Variants in ANKS1B observed in about 807,000 individuals in gnomAD.
ANKS1B encodes ankyrin repeat and sterile alpha motif domain containing 1B, also known as ankyrin repeat and sterile alpha motif domain-containing protein 1B.
A neutral mutation model predicts 148.3 loss-of-function variants in ANKS1B; 36 were observed. The ratio of observed to expected loss-of-function variants is 0.24; its 90% CI spans 0.19 to 0.32. ANKS1B has a LOEUF of 0.32. ANKS1B is among the 10% of genes least tolerant of loss of function. The pLI, the probability that ANKS1B is intolerant of heterozygous loss-of-function variation, is 1.00. For missense variants in ANKS1B, 1,157 were observed against 1,542.6 expected (o/e 0.75, Z 4.19); for synonymous variants, 542 against 560.8 (o/e 0.97, Z 0.47).
intron 12 of ANKS1B, among the ~76,000 whole-genome samples, chr12:99,338,475 G>A (rs144202590): frequency 4.5e-4 from 69 of 152,248 alleles, no homozygotes; most frequent in Non-Finnish European, 7.2e-4. Context: ...TAAGAGCTAC[G>A]GCCTGGAATC....
chr12:99,780,338 C>T lies in ANKS1B; in HGVS notation c.746-366G>A, dbSNP rs113875439. 3.9e-3 allele frequency among the ~76,000 whole-genome samples: 590 copies of T among 152,040 alleles called. 10 individuals carry two copies. The highest frequency in any genetic ancestry group is 0.012 in the African/African-American group (504 of 41,446). Reference sequence around the variant, plus strand: ...TTGCCCAGGCTGGAGTGCAGTGGCGCGATCTCGGCTCACTGCAAGCTCCGC... The same window carrying T: ...TTGCCCAGGCTGGAGTGCAGTGGCGTGATCTCGGCTCACTGCAAGCTCCGC... On this transcript the variant is annotated intron_variant, in intron 5 of 26. Transcript: ENST00000683438.
intron 9 of ANKS1B, among the ~76,000 whole-genome samples, chr12:99,534,359 T>C (rs138417394): frequency 0.014 from 2,112 of 152,356 alleles, 15 homozygotes; most frequent in Non-Finnish European, 0.023. Flanking sequence ...ACTTCAGTGA[T>C]AATCATGTCA....
chr12:99,611,674 A>G (rs1180332991), intron 9 of ANKS1B, among the ~76,000 whole-genome samples: 1 of 152,060 alleles, frequency 6.6e-6, no homozygotes, highest in East Asian at 1.9e-4. Flanking sequence ...CAGTGAAATT[A>G]TTTTTAATGC....
At chr12:98,805,783 T>A (rs1292638483) in intron 20 of ANKS1B, among the ~76,000 whole-genome samples, 1 of 152,202 alleles carries the variant, frequency 6.6e-6, no homozygotes, top group Admixed American at 6.5e-5. Flanking sequence ...GGTAGCTGTC[T>A]CCCTCCAAAA....
intron 14 of ANKS1B, among the ~76,000 whole-genome samples, chr12:99,230,188 G>T (rs2153950594): frequency 6.6e-6 from 1 of 152,140 alleles, no homozygotes; most frequent in South Asian, 2.1e-4. Flanking sequence ...TTTGCACAAG[G>T]TGACACTGCC....
chr12:99,635,537 G>C (rs746808342), intron 9 of ANKS1B, among the ~76,000 whole-genome samples: 9 of 152,100 alleles, frequency 5.9e-5, no homozygotes, highest in South Asian at 2.1e-4. Context: ...CTTAGTTGAG[G>C]TATCTAGAGT....
intron 10 of ANKS1B, among the ~76,000 whole-genome samples, chr12:99,492,500 T>G (rs774953807): frequency 6.6e-6 from 1 of 152,192 alleles, no homozygotes; most frequent in South Asian, 2.1e-4. Context: ...CCATTTCTAC[T>G]GAAACTATTT....
intron 22 of ANKS1B, among the ~76,000 whole-genome samples, chr12:98,785,307 T>C (rs780568916): frequency 2.0e-5 from 3 of 151,960 alleles, no homozygotes; most frequent in Non-Finnish European, 4.4e-5. Context: ...CCGTCTCTAC[T>C]AAAAATAAAT....
At position 99,092,470 on chromosome 12, in the gene ANKS1B, GAA is replaced by G. The variant is rs5800375; in HGVS notation, c.2527-7449_2527-7448del. Among the ~76,000 whole-genome samples, 630 of 116,666 alleles carry G rather than the reference GAA, an allele frequency of 5.4e-3. 4 individuals carry two copies. Among genetic ancestry groups the G allele is most frequent in the South Asian group, 0.019 (67 of 3,500 alleles). The allele number at this position is 116,666 out of a possible 152,430, so 76.5% of individuals were successfully genotyped here. ...TTTTGTAATCACAAGCTGTGAAGCTGAAAAAAAAAAAAAAAAAAAACTTCCTT... is the reference window on the plus strand; with the variant it reads ...TTTTGTAATCACAAGCTGTGAAGCTGAAAAAAAAAAAAAAAAAACTTCCTT... On this transcript the variant is annotated intron_variant, in intron 15 of 26. Transcript: ENST00000683438.
chr12:99,522,104 T>C (rs1405139870), intron 9 of ANKS1B, among the ~76,000 whole-genome samples: 1 of 152,180 alleles, frequency 6.6e-6, no homozygotes, highest in Non-Finnish European at 1.5e-5. Flanking sequence ...CAATACAAAG[T>C]CCTTCCTAGT....
intron 9 of ANKS1B, among the ~76,000 whole-genome samples, chr12:99,562,040 G>A (rs866195751): frequency 2.6e-5 from 4 of 152,216 alleles, no homozygotes; most frequent in South Asian, 2.1e-4. Context: ...TGCTGTGTTC[G>A]CACACATAAA....
At chr12:98,772,996 C>G (rs773907053) in intron 25 of ANKS1B, 46 bp downstream of exon 25, 1 of 1,610,568 alleles carries the variant, frequency 6.2e-7, no homozygotes, top group East Asian at 2.2e-5. Context: ...CAGTCCAGGC[C>G]CATTCTGCAA....
chr12:99,708,334 C>T (rs1157146699), intron 8 of ANKS1B, among the ~76,000 whole-genome samples: 3 of 152,144 alleles, frequency 2.0e-5, no homozygotes, highest in Non-Finnish European at 4.4e-5. Flanking sequence ...AGGACTAAGG[C>T]TCACATTATC....
chr12:99,500,869 C>T (rs189566941), intron 10 of ANKS1B, among the ~76,000 whole-genome samples: 93 of 152,190 alleles, frequency 6.1e-4, no homozygotes, highest in Admixed American at 3.5e-3. Context: ...TTTGATTAGA[C>T]GAGAAAACTT....
chr12:98,908,007 A>G (rs953007035), intron 17 of ANKS1B, among the ~76,000 whole-genome samples: 4 of 152,238 alleles, frequency 2.6e-5, no homozygotes, highest in Admixed American at 1.3e-4. Context: ...ACCCGGTCTC[A>G]GGTATGTCTT....
At chr12:99,506,402 A>G (rs1320146381) in intron 9 of ANKS1B, among the ~76,000 whole-genome samples, 1 of 151,980 alleles carries the variant, frequency 6.6e-6, no homozygotes, top group Admixed American at 6.6e-5. Context: ...AGAGTCAATT[A>G]TGGTCATGAT....
chr12:99,077,138 G>C (rs1396716078), intron 16 of ANKS1B, among the ~76,000 whole-genome samples: 1 of 152,156 alleles, frequency 6.6e-6, no homozygotes, highest in Non-Finnish European at 1.5e-5. Flanking sequence ...ACCACAGCCT[G>C]TCTTACTAAG....
chr12:99,741,802 T>G, intron 8 of ANKS1B, among the ~76,000 whole-genome samples: 1 of 151,848 alleles, frequency 6.6e-6, no homozygotes, highest in East Asian at 1.9e-4. Flanking sequence ...AGATGAGAGA[T>G]TGATGGGTGC....
At chr12:99,244,262 A>G in intron 14 of ANKS1B, 80 bp downstream of exon 14, 1 of 962,232 alleles carries the variant, frequency 1.0e-6, no homozygotes, top group African/African-American at 1.7e-5. Context: ...AAAAAATGCA[A>G]TTATCTAAAG....
Sources: gnomAD v4.1 joint callset for allele counts (sites outside exome capture counted in the v4.1 genomes callset) on GRCh38, gnomAD v4.1.1 for gene constraint, MANE v1.5 for transcripts, NCBI Gene and HGNC (gene_info 2026-07-23, HGNC 2026-07-21) for gene names.